The following PTPRO variants were observed in gnomAD, a reference collection of about 807,000 sequenced individuals.
The protein encoded by PTPRO is protein tyrosine phosphatase receptor type O.
PTPRO carries 62 observed loss-of-function variants against 145.2 expected under a neutral mutation model. That is an observed-to-expected ratio of 0.43 (90% confidence interval 0.35 to 0.53). The LOEUF is 0.53. Ranked by LOEUF, PTPRO falls within the 20% of genes least tolerant of loss-of-function variation. The pLI, the probability that PTPRO is intolerant of heterozygous loss-of-function variation, is 0.01. For missense variants in PTPRO, 1,345 were observed against 1,482.7 expected, an observed-to-expected ratio of 0.91 and a Z score of 1.53; for synonymous variants, 565 against 514.7, an observed-to-expected ratio of 1.10 and a Z score of -1.32.
At chr12:15,523,196 T>A (rs1942763871) in intron 10 of PTPRO, among the ~76,000 whole-genome samples, 1 of 152,226 alleles carries the variant, frequency 6.6e-6, no homozygotes, top group African/African-American at 2.4e-5. Flanking sequence ...GCATAGCTAG[T>A]TATGAATGTT....
chr12:15,404,829 G>C (rs569957948), intron 1 of PTPRO, among the ~76,000 whole-genome samples: 1 of 152,280 alleles, frequency 6.6e-6, no homozygotes, highest in African/African-American at 2.4e-5. Flanking sequence ...GTCAATTTGA[G>C]CTTCTATTCC....
intron 1 of PTPRO, among the ~76,000 whole-genome samples, chr12:15,408,826 T>C (rs982167619): frequency 1.3e-5 from 2 of 152,192 alleles, no homozygotes; most frequent in African/African-American, 4.8e-5. Flanking sequence ...ATAACACCGT[T>C]AGCTTCTCTT....
intron 16 of PTPRO, among the ~76,000 whole-genome samples, chr12:15,559,715 TA>T: frequency 6.6e-6 from 1 of 152,288 alleles, no homozygotes; most frequent in Non-Finnish European, 1.5e-5. Context: ...GAATGTCTCT[TA>T]AAAGCTTAGT....
intron 19 of PTPRO, among the ~76,000 whole-genome samples, chr12:15,574,186 T>C (rs1027250240): frequency 6.6e-6 from 1 of 152,200 alleles, no homozygotes; most frequent in Non-Finnish European, 1.5e-5. Context: ...AGTTACTAAT[T>C]TGTGTTTACT....
At chr12:15,390,750 G>A (rs1939166512) in intron 1 of PTPRO, among the ~76,000 whole-genome samples, 1 of 145,898 alleles carries the variant, frequency 6.9e-6, no homozygotes, top group Non-Finnish European at 1.5e-5. Context: ...TAGCACAGCA[G>A]TGGCTGGGTA....
At chr12:15,395,912 C>T (rs1939325756) in intron 1 of PTPRO, among the ~76,000 whole-genome samples, 1 of 151,796 alleles carries the variant, frequency 6.6e-6, no homozygotes, top group South Asian at 2.1e-4. Flanking sequence ...AAGCAATGAA[C>T]CTCAGACAAA....
chr12:15,427,117 G>A (rs1034514031), intron 1 of PTPRO, among the ~76,000 whole-genome samples: 1 of 151,924 alleles, frequency 6.6e-6, no homozygotes, highest in Non-Finnish European at 1.5e-5. Flanking sequence ...TATGTCTTAG[G>A]CTCTTAGATG....
At chr12:15,430,787 T>G (rs1940414338) in intron 1 of PTPRO, among the ~76,000 whole-genome samples, 1 of 152,186 alleles carries the variant, frequency 6.6e-6, no homozygotes, top group South Asian at 2.1e-4. Flanking sequence ...ATTTAACCAT[T>G]CCACAATATA....
intron 18 of PTPRO, 34 bp from the exon 19 acceptor site, chr12:15,569,383 A>G (rs1224817646): frequency 1.0e-5 from 16 of 1,529,634 alleles, no homozygotes; most frequent in Non-Finnish European, 1.4e-5. Flanking sequence ...CAAGAATTTT[A>G]AAATGTATGT....
intron 1 of PTPRO, among the ~76,000 whole-genome samples, chr12:15,323,078 G>T (rs1488195410): frequency 2.0e-5 from 3 of 152,242 alleles, no homozygotes; most frequent in Non-Finnish European, 2.9e-5. Flanking sequence ...CCACATCAAA[G>T]GTGGGCTTGT....
intron 1 of PTPRO, among the ~76,000 whole-genome samples, chr12:15,380,807 G>T (rs1938837798): frequency 6.6e-6 from 1 of 152,040 alleles, no homozygotes; most frequent in African/African-American, 2.4e-5. Flanking sequence ...TTAATTGTAT[G>T]CTAAAGAAAC....
chr12:15,497,546 T>A lies in PTPRO; in HGVS notation c.508+143T>A, dbSNP rs553313937. On this transcript the variant is annotated intron_variant, in intron 3 of 26. Coordinates refer to ENST00000281171, the MANE Select transcript of PTPRO (RefSeq NM_030667.3). Reference sequence around the variant, plus strand: ...TGAGCCATTAAAAATAATTATTGATTTATGAAAATCGTGTTATGAGGAAGC... The same window carrying A: ...TGAGCCATTAAAAATAATTATTGATATATGAAAATCGTGTTATGAGGAAGC... 62 of 952,612 alleles carry A rather than the reference T, an allele frequency of 6.5e-5. 1 individual carries two copies. In the East Asian group the frequency reaches 1.6e-3, roughly 25 times the overall value. The allele number at this position is 952,612 out of a possible 1,614,324, so 59.0% of individuals were successfully genotyped here.
rs1319188359 is a variant in PTPRO, at chr12:15,580,744, T to C, written c.3045T>C (p.Pro1015=). Residue 1015 remains proline, a synonymous_variant, in exon 22 of 27, where the codon CCT becomes CCC. Coordinates refer to ENST00000281171, the MANE Select transcript of PTPRO (RefSeq NM_030667.3). Reference sequence around the variant, plus strand: ...ATATTGCCACCCAGGGGCCACTGCCTGAAACCAGAAATGACTTCTGGAAGA... The same window carrying C: ...ATATTGCCACCCAGGGGCCACTGCCCGAAACCAGAAATGACTTCTGGAAGA... ...QEYIATQGPL[P]ETRNDFWKMV... is the part of the protein sequence containing the mutation. 10 of 1,614,048 alleles carry C rather than the reference T, an allele frequency of 6.2e-6. No homozygotes were observed. Among genetic ancestry groups the C allele is most frequent in the South Asian group, 1.1e-5 (1 of 91,086 alleles).
intron 1 of PTPRO, among the ~76,000 whole-genome samples, chr12:15,347,348 T>G (rs964918764): frequency 1.3e-5 from 2 of 152,210 alleles, no homozygotes; most frequent in Non-Finnish European, 2.9e-5. Flanking sequence ...CTATTATTAA[T>G]TAAATTACAC....
intron 2 of PTPRO, among the ~76,000 whole-genome samples, chr12:15,489,681 C>A (rs1202570510): frequency 6.6e-6 from 1 of 152,050 alleles, no homozygotes; most frequent in Non-Finnish European, 1.5e-5. Context: ...TTACTGAAGC[C>A]TGTTTTATCA....
In PTPRO at chr12:15,327,788, T is replaced by C. The variant is rs190176008; in HGVS notation, c.75+4987T>C. Among the ~76,000 whole-genome samples the C allele has an allele frequency of 3.8e-3, 581 of 152,226 alleles. 2 individuals carry two copies. The highest frequency in any genetic ancestry group is 4.7e-3 in the Non-Finnish European group (323 of 68,016). On this transcript the variant is annotated intron_variant, in intron 1 of 26. Transcript: ENST00000281171. Reference sequence around the variant, plus strand: ...GATGAGTGTGAATGGGTTCCTTCTCTCCTGGTGCTGTTGACTCCAGCAGGT... The same window carrying C: ...GATGAGTGTGAATGGGTTCCTTCTCCCCTGGTGCTGTTGACTCCAGCAGGT...
chr12:15,435,253 ATTTAATGATGACCC>A (rs1940563301), intron 1 of PTPRO, among the ~76,000 whole-genome samples: 1 of 152,200 alleles, frequency 6.6e-6, no homozygotes, highest in Non-Finnish European at 1.5e-5. Flanking sequence ...GAAATTATTA[ATTTAATGATGACCC>A]GTAAGTCATG....
At chr12:15,571,833 G>A (rs989238942) in intron 19 of PTPRO, among the ~76,000 whole-genome samples, 16 of 152,102 alleles carry the variant, frequency 1.1e-4, no homozygotes, top group African/African-American at 3.6e-4. Context: ...CCTAAGAAGG[G>A]CATTATCTCC....
intron 19 of PTPRO, among the ~76,000 whole-genome samples, chr12:15,571,047 T>C (rs1323135970): frequency 6.6e-6 from 1 of 152,332 alleles, no homozygotes; most frequent in African/African-American, 2.4e-5. Flanking sequence ...ATTCAAAGGA[T>C]ACTAAGGTAT....
Sources: gnomAD v4.1 joint callset for allele counts (sites outside exome capture counted in the v4.1 genomes callset) on GRCh38, gnomAD v4.1.1 for gene constraint, MANE v1.5 for transcripts, NCBI Gene and HGNC (gene_info 2026-07-23, HGNC 2026-07-21) for gene names.